Variants in SNX14 observed in about 807,000 individuals in gnomAD.
SNX14 encodes sorting nexin-14.
Under a neutral mutation model 133.8 loss-of-function variants are expected in SNX14, and 93 were observed. That is an observed-to-expected ratio of 0.70 (90% confidence interval 0.59 to 0.83). SNX14 has a LOEUF of 0.83. Among genes scored for constraint, SNX14 ranks in the 40% least tolerant of loss-of-function variants. SNX14 has a pLI of 0.00. For synonymous variants in SNX14, 368 were observed against 365.6 expected (o/e 1.01, Z -0.07); for missense variants, 945 against 1,094.9 (o/e 0.86, Z 1.93).
chr6:85,555,484 G>A (rs2128128011), intron 7 of SNX14, among the ~76,000 whole-genome samples: 1 of 152,274 alleles, frequency 6.6e-6, no homozygotes, highest in East Asian at 1.9e-4. Flanking sequence ...GAAACATACT[G>A]TATGATTCCA....
intron 6 of SNX14, among the ~76,000 whole-genome samples, chr6:85,560,135 T>A (rs1791053796): frequency 6.6e-6 from 1 of 152,136 alleles, no homozygotes; most frequent in African/African-American, 2.4e-5. Context: ...TACTCCTATG[T>A]ATATACCCAA....
In SNX14 at chr6:85,544,946, A is replaced by G. The variant is rs1029989355; in HGVS notation, c.1109-1186T>C. 3.3e-5 allele frequency among the ~76,000 whole-genome samples: 5 copies of G among 152,360 alleles called. 1 individual carries two copies. In the South Asian group the frequency reaches 1.0e-3, roughly 32 times the overall value. ...CCTTTAAAAATGAATGTGTGTGTGC[A>G]TTCCACACATGTGTAGAAGCCTGAT... On this transcript the variant is annotated intron_variant, in intron 12 of 28. Coordinates refer to ENST00000314673, the MANE Select transcript of SNX14 (RefSeq NM_153816.6).
At chr6:85,566,384 A>G (rs545439202) in intron 5 of SNX14, among the ~76,000 whole-genome samples, 1 of 152,218 alleles carries the variant, frequency 6.6e-6, no homozygotes, top group Non-Finnish European at 1.5e-5. Context: ...GAATTCAACT[A>G]GTAGCATTTT....
At chr6:85,513,264 G>A (rs565317930) in intron 26 of SNX14, among the ~76,000 whole-genome samples, 1 of 152,344 alleles carries the variant, frequency 6.6e-6, no homozygotes, top group Non-Finnish European at 1.5e-5. Flanking sequence ...CAACTTTACA[G>A]AGGAGGTGAC....
chr6:85,534,539 T>C (rs1781264568), intron 17 of SNX14, among the ~76,000 whole-genome samples: 1 of 152,198 alleles, frequency 6.6e-6, no homozygotes, highest in Admixed American at 6.5e-5. Context: ...TCTCCAACTT[T>C]CTGTTACTAC....
At chr6:85,535,784 G>A (rs752944668) in intron 17 of SNX14, among the ~76,000 whole-genome samples, 19 of 151,996 alleles carry the variant, frequency 1.3e-4, no homozygotes, top group South Asian at 2.1e-4. Context: ...CAAAAGGAAG[G>A]GGTAAAGAAA....
At position 85,547,099 on chromosome 6, in the gene SNX14, A is replaced by AG; in HGVS notation, c.1108+12dup. On this transcript the variant is annotated intron_variant, in intron 12 of 28. Coordinates refer to ENST00000314673, the MANE Select transcript of SNX14 (RefSeq NM_153816.6). ...TAAAAATTACTTTCGTAAAATACAC[A>AG]GGTAAGCCTCACCCACAGTCAAACA... The AG allele has an allele frequency of 6.3e-7, 1 of 1,590,460 alleles. No homozygotes were observed. The highest frequency in any genetic ancestry group is 1.1e-5 in the South Asian group (1 of 88,846).
At chr6:85,531,427 T>A (rs899468397) in intron 18 of SNX14, among the ~76,000 whole-genome samples, 11 of 152,218 alleles carry the variant, frequency 7.2e-5, no homozygotes, top group African/African-American at 2.7e-4. Flanking sequence ...TACCATAGAT[T>A]TGAGAATGCA....
chr6:85,543,204 G>A lies in SNX14; in HGVS notation c.1367C>T (p.Pro456Leu). Reference sequence around the variant, plus strand: ...TACCTCATCACTATGGCAGAACATAGGAGTAAATACATTCTCCAAAAGGGA... The same window carrying A: ...TACCTCATCACTATGGCAGAACATAAGAGTAAATACATTCTCCAAAAGGGA... The part of the protein sequence containing the change: ...VLSLLENVFT[P>L]MFCHSDEYFR... The change falls in exon 14 of 29, where the codon CCT becomes CTT. Residue 456 changes from proline (P) to leucine (L), a missense_variant. By Grantham distance (98) the Pro-to-Leu change is moderately conservative (BLOSUM62 -3). Around this residue, in one of 3 missense-constraint regions of SNX14, gnomAD observed 514 missense variants for 538.8 expected, o/e 0.95. Coordinates refer to ENST00000314673, the MANE Select transcript of SNX14 (RefSeq NM_153816.6). The A allele has an allele frequency of 6.3e-7, 1 of 1,575,180 alleles. No homozygotes were observed. Among genetic ancestry groups the A allele is most frequent in the Non-Finnish European group, 8.6e-7 (1 of 1,164,858 alleles).
intron 1 of SNX14, among the ~76,000 whole-genome samples, chr6:85,578,964 C>T (rs1212012973): frequency 6.6e-6 from 1 of 151,924 alleles, no homozygotes; most frequent in Non-Finnish European, 1.5e-5. Flanking sequence ...GATGAAACCA[C>T]GTCTCTACTA....
chr6:85,576,530 T>C (rs1797402121), intron 1 of SNX14, among the ~76,000 whole-genome samples: 1 of 152,188 alleles, frequency 6.6e-6, no homozygotes, highest in Admixed American at 6.5e-5. Flanking sequence ...CAGAGTAAAC[T>C]GCATGAACTG....
intron 6 of SNX14, among the ~76,000 whole-genome samples, chr6:85,559,237 G>C (rs1482828003): frequency 6.6e-6 from 1 of 152,052 alleles, no homozygotes; most frequent in African/African-American, 2.4e-5. Flanking sequence ...ATTTTTGCTA[G>C]TATTATACCT....
At chr6:85,524,338 G>A (rs1777896667) in intron 21 of SNX14, among the ~76,000 whole-genome samples, 1 of 152,160 alleles carries the variant, frequency 6.6e-6, no homozygotes, top group Non-Finnish European at 1.5e-5. Context: ...GATAAAGGAG[G>A]ATTGTGTAGG....
chr6:85,570,327 T>C (rs956927905), intron 4 of SNX14, among the ~76,000 whole-genome samples: 1 of 92,296 alleles, frequency 1.1e-5, no homozygotes, highest in Non-Finnish European at 2.4e-5. Context: ...CTTTCATTTT[T>C]ATGAATGAAT....
chr6:85,567,717 T>A, intron 4 of SNX14, 140 bp from the exon 5 acceptor site: 1 of 498,532 alleles, frequency 2.0e-6, no homozygotes, highest in Middle Eastern at 6.1e-4. Context: ...GAGCAGTGGC[T>A]CACACCTGTA....
intron 8 of SNX14, among the ~76,000 whole-genome samples, chr6:85,549,477 T>C (rs1786980976): frequency 6.6e-6 from 1 of 152,128 alleles, no homozygotes; most frequent in Non-Finnish European, 1.5e-5. Flanking sequence ...CATATTTATA[T>C]TTTATGTCCA....
intron 9 of SNX14, among the ~76,000 whole-genome samples, chr6:85,548,087 G>C (rs1176913326): frequency 2.6e-5 from 4 of 152,152 alleles, no homozygotes; most frequent in Non-Finnish European, 5.9e-5. Flanking sequence ...TTGCCAGGGG[G>C]GGCTGGAGGG....
chr6:85,531,444 C>A (rs777357209), intron 18 of SNX14, among the ~76,000 whole-genome samples: 72 of 152,148 alleles, frequency 4.7e-4, no homozygotes, highest in Non-Finnish European at 3.5e-4. Context: ...TGCAGTAGAT[C>A]GAGTGAACCA....
intron 16 of SNX14, among the ~76,000 whole-genome samples, chr6:85,537,257 T>C (rs1326529260): frequency 1.3e-5 from 2 of 152,170 alleles, no homozygotes; most frequent in East Asian, 1.9e-4. Context: ...ATAGTTCTTA[T>C]TGCAATATTT....
Sources: allele counts gnomAD v4.1 joint callset (sites outside exome capture counted in the v4.1 genomes callset), GRCh38; gene constraint gnomAD v4.1.1; regional missense constraint gnomAD v4.1.1; transcripts MANE v1.5; gene names NCBI Gene and HGNC (gene_info 2026-07-23, HGNC 2026-07-21).